Variants in BAIAP3 observed in about 807,000 individuals in gnomAD.
BAIAP3 encodes the protein BAI1-associated protein 3.
In BAIAP3, 180 loss-of-function variants were observed where a neutral mutation model predicts 149.7. The observed-to-expected ratio is 1.20, with a 90% confidence interval of 1.07 to 1.36. The LOEUF (loss-of-function observed/expected upper bound fraction) is 1.36. Ranked by LOEUF, BAIAP3 falls within the 40% of genes most tolerant of loss-of-function variation. BAIAP3 has a pLI of 0.00. For missense variants in BAIAP3, 1,767 were observed against 1,563.4 expected (o/e 1.13, Z -2.20); for synonymous variants, 845 against 670.7 (o/e 1.26, Z -4.02).
intron 15 of BAIAP3, 151 bp downstream of exon 15, chr16:1,343,664 C>G: frequency 2.3e-6 from 3 of 1,303,620 alleles, no homozygotes; most frequent in Non-Finnish European, 3.1e-6. Flanking sequence ...AGAGCCAGCG[C>G]TCTGCAGAAA....
chr16:1,347,087 C>T, intron 28 of BAIAP3, 132 bp downstream of exon 28: 2 of 945,538 alleles, frequency 2.1e-6, no homozygotes, highest in Non-Finnish European at 3.2e-6. Context: ...TCCACAGCGC[C>T]TCCTCCCGTT....
Position 1,342,278 on chromosome 16 carries a change from G to A in BAIAP3, c.952G>A (p.Val318Ile). ...DDFLGCLNIP[V>I]REVPVAGVDR... is the part of the protein sequence containing the mutation. ...CTTCCTGGGGTGCCTCAACATACCT[G>A]TCCGGGTGAGTGGGTGTGGGGTGGG... The change falls in exon 11 of 34, where the codon GTC (valine) becomes ATC (isoleucine). Residue 318 changes from valine to isoleucine, a missense_variant. Val to Ile is a conservative substitution (Grantham distance 29). Coordinates refer to ENST00000426824, the MANE Select transcript of BAIAP3 (RefSeq NM_001199097.2). 11 of 1,612,202 alleles carry A rather than the reference G, an allele frequency of 6.8e-6. No homozygotes were observed. Among genetic ancestry groups the A allele is most frequent in the Non-Finnish European group, 9.3e-6 (11 of 1,179,638 alleles).
rs369312614 is a variant in BAIAP3, at chr16:1,342,548, G to A, written c.979G>A (p.Asp327Asn). 26 of 1,553,048 alleles carry A rather than the reference G, an allele frequency of 1.7e-5. No homozygotes were observed. In the African/African-American group the frequency reaches 2.9e-4, roughly 17 times the overall value. Reference sequence around the variant, plus strand: ...CCAGGAGGTGCCTGTGGCTGGCGTCGACCGCTGGTTCAAGCTGGAGCCACG... The same window carrying A: ...CCAGGAGGTGCCTGTGGCTGGCGTCAACCGCTGGTTCAAGCTGGAGCCACG... ...PVREVPVAGV[D>N]RWFKLEPRSS... Residue 327 changes from aspartate (D) to asparagine (N), a missense_variant, in exon 12 of 34, where the codon GAC (aspartate) becomes AAC (asparagine). Transcript: ENST00000426824.
At position 1,348,359 on chromosome 16, in the gene BAIAP3, C is replaced by A. The variant is rs370350074; in HGVS notation, c.3356-20C>A. 6.2e-7 allele frequency: 1 copy of A among 1,610,562 alleles called. No individual in the cohort carries two copies. Among genetic ancestry groups the A allele is most frequent in the Admixed American group, 1.7e-5 (1 of 59,798 alleles). On this transcript the variant is annotated intron_variant, in intron 33 of 33. Transcript: ENST00000426824. The stretch of plus-strand genomic sequence containing the variant: ...CGGGCCTGACCCCGGCCCCCACACA[C>A]CTGCCCGCGCTGCTTGCAGTGAGAT...
chr16:1,343,568 G>A, intron 15 of BAIAP3, 55 bp downstream of exon 15: 1 of 1,590,782 alleles, frequency 6.3e-7, no homozygotes, highest in Non-Finnish European at 8.6e-7. Context: ...GCTGGGGACT[G>A]GGGTCGCTCA....
Position 1,343,489 on chromosome 16 carries a change from G to GGC in BAIAP3, c.1363_1364dup (p.Pro456LeufsTer49), listed in dbSNP as rs1310241224. 2 of 1,605,340 alleles carry GGC rather than the reference G, an allele frequency of 1.2e-6. No homozygotes were observed. Among genetic ancestry groups the GGC allele is most frequent in the Non-Finnish European group, 1.7e-6 (2 of 1,177,494 alleles). On this transcript the variant is annotated frameshift_variant, in exon 15 of 34. Transcript: ENST00000426824. LOFTEE classifies it high-confidence loss of function. ...AGGACATGCAGGCACACTGGGAAGA[G>GGC]GCTCCTTCACTGCCCCAGGAGCAGG... is the stretch of plus-strand genomic sequence containing the variant.
chr16:1,342,587 C>T lies in BAIAP3; in HGVS notation c.1018C>T (p.Arg340Cys), dbSNP rs1412171949. ...FKLEPRSSASRVQGHCHLVLK... is the reference protein window; with the variant it reads ...FKLEPRSSASCVQGHCHLVLK... ...GCTGGAGCCACGCTCCAGTGCCTCG[C>T]GTGTGCAGGGACACTGCCACCTGGT... Residue 340 changes from arginine (R) to cysteine (C), a missense_variant, in exon 12 of 34, where the codon CGT (arginine) becomes TGT (cysteine). Coordinates refer to ENST00000426824, the MANE Select transcript of BAIAP3 (RefSeq NM_001199097.2). 5.7e-6 allele frequency: 9 copies of T among 1,565,480 alleles called. No individual in the cohort carries two copies. Among genetic ancestry groups the T allele is most frequent in the African/African-American group, 2.7e-5 (2 of 73,718 alleles).
chr16:1,339,277 TCTGCAGCGG>T (rs1271872797), intron 4 of BAIAP3, 33 bp downstream of exon 4: 9 of 1,548,000 alleles, frequency 5.8e-6, no homozygotes, highest in Non-Finnish European at 8.7e-7. Context: ...GGGGCAGTCG[TCTGCAGCGG>T]CTGCTCCCTC....
At position 1,338,994 on chromosome 16, in the gene BAIAP3, G is replaced by A. The variant is rs769487647; in HGVS notation, c.219+5G>A. 1.2e-6 allele frequency: 2 copies of A among 1,612,724 alleles called. No individual in the cohort carries two copies. Among genetic ancestry groups the A allele is most frequent in the Non-Finnish European group, 1.7e-6 (2 of 1,179,806 alleles). ...CAGGGCTTGCCGTGCCTCGAGGTAA[G>A]GGTGCCACCCCCAGGGCCCGATACC... On this transcript the variant is annotated splice_donor_5th_base_variant and intron_variant, in intron 3 of 33. Coordinates refer to ENST00000426824, the MANE Select transcript of BAIAP3 (RefSeq NM_001199097.2).
rs770735574 is a variant in BAIAP3, at chr16:1,347,627, T to C, written c.2904+2T>C. 1.5e-5 allele frequency: 24 copies of C among 1,612,772 alleles called. No individual in the cohort carries two copies. Among genetic ancestry groups the C allele is most frequent in the Non-Finnish European group, 2.0e-5 (24 of 1,179,938 alleles). On this transcript the variant is annotated splice_donor_variant, in intron 30 of 33. Coordinates refer to ENST00000426824, the MANE Select transcript of BAIAP3 (RefSeq NM_001199097.2). LOFTEE classifies it high-confidence loss of function. ...TTCTACCTGGACAAGCTCAAACAGG[T>C]AGGGAGGCGCCAGGGACAGGGTGCT...
chr16:1,336,266 C>G (rs1195118376), intron 1 of BAIAP3: 2 of 985,224 alleles, frequency 2.0e-6, no homozygotes, highest in African/African-American at 3.5e-5. Flanking sequence ...GGGCTTGTGA[C>G]TCCCAGGCCC....
At position 1,344,306 on chromosome 16, in the gene BAIAP3, G is replaced by A. The variant is rs535940216; in HGVS notation, c.1591G>A (p.Ala531Thr). 20 of 1,613,856 alleles carry A rather than the reference G, an allele frequency of 1.2e-5. No individual in the cohort carries two copies. The highest frequency in any genetic ancestry group is 7.7e-5 in the South Asian group (7 of 91,084). The change falls in exon 17 of 34, where the codon GCG (alanine) becomes ACG (threonine). Residue 531 changes from alanine to threonine, a missense_variant. Ala to Thr is a moderately conservative substitution (Grantham distance 58). Transcript: ENST00000426824. Reference sequence around the variant, plus strand: ...GTCGGAGCTGAACATGGACATTGCTGCGGCCCTGAAGGTGTGTTCCAAAGC... The same window carrying A: ...GTCGGAGCTGAACATGGACATTGCTACGGCCCTGAAGGTGTGTTCCAAAGC... ...FESELNMDIA[A>T]ALKRGNREWY...
intron 1 of BAIAP3, among the ~76,000 whole-genome samples, chr16:1,337,373 C>G (rs144795016): frequency 6.6e-6 from 1 of 152,334 alleles, no homozygotes; most frequent in East Asian, 1.9e-4. Flanking sequence ...AAAAAATCAG[C>G]TGGGCTTGGT....
intron 2 of BAIAP3, 37 bp downstream of exon 2, chr16:1,338,717 G>A: frequency 1.9e-6 from 3 of 1,561,652 alleles, no homozygotes; most frequent in Non-Finnish European, 1.7e-6. Flanking sequence ...ACGCCCACAG[G>A]GCCATTTCCC....
At position 1,343,453 on chromosome 16, in the gene BAIAP3, G is replaced by C. The variant is rs1346012429; in HGVS notation, c.1326G>C (p.Leu442=). The C allele has an allele frequency of 6.3e-7, 1 of 1,594,542 alleles. No homozygotes were observed. The highest frequency in any genetic ancestry group is 1.7e-5 in the Admixed American group (1 of 57,192). ...GCACGCTGGACTACAGCTACCTGCT[G>C]GGGCTGCTGGAGGACATGCAGGCAC... The part of the protein sequence containing the change: ...QTCTLDYSYL[L]GLLEDMQAHW... Residue 442 remains leucine, a synonymous_variant, in exon 15 of 34, where the codon CTG becomes CTC. Coordinates refer to ENST00000426824, the MANE Select transcript of BAIAP3 (RefSeq NM_001199097.2).
rs371222488 is a variant in BAIAP3, at chr16:1,336,351, C to CT, written c.-10-2185dup. 244 of 985,412 alleles carry CT rather than the reference C, an allele frequency of 2.5e-4. No homozygotes were observed. The African/African-American group carries it at 3.6e-3, about 15-fold the overall frequency. 61.0% of individuals were successfully genotyped at this position (985,412 alleles called of 1,614,324 possible). ...TACCCAGCCTACCAAGCCCCCCCATCTTTTGGGGGGGAGGCTCACAGGGGA... is the reference window on the plus strand; with the variant it reads ...TACCCAGCCTACCAAGCCCCCCCATCTTTTTGGGGGGGAGGCTCACAGGGGA... On this transcript the variant is annotated intron_variant, in intron 1 of 33. Transcript: ENST00000426824.
chr16:1,344,117 C>A lies in BAIAP3; in HGVS notation c.1482C>A (p.Thr494=), dbSNP rs375132106. 5.0e-6 allele frequency: 8 copies of A among 1,611,790 alleles called. No individual in the cohort carries two copies. The highest frequency in any genetic ancestry group is 6.8e-6 in the Non-Finnish European group (8 of 1,179,822). The change falls in exon 16 of 34, where the codon ACC becomes ACA. Residue 494 remains threonine (T), a synonymous_variant. Transcript: ENST00000426824. ...ACTACTTCCCTGCCACCAACAGCAC[C>A]GCTGTCCACCGCCTGGAGCTGCTGC... ...LRDYFPATNS[T]AVHRLELLLK...
At position 1,348,794 on chromosome 16, in the gene BAIAP3, T is replaced by G; in HGVS notation, c.*312T>G. 8.9e-6 allele frequency: 4 copies of G among 451,100 alleles called. No homozygotes were observed. Among genetic ancestry groups the G allele is most frequent in the Admixed American group, 3.8e-5 (1 of 26,334 alleles). The allele number at this position is 451,100 out of a possible 1,614,324, so 27.9% of individuals were successfully genotyped here. A position where few individuals can be genotyped will look rare whatever the true frequency, so the allele number is the denominator to read the frequency against. Reference sequence around the variant, plus strand: ...GGCCTCCCTGCCCGCTTCCTTGGGCTCCCCGGCCCTGGGTGGGCGGTGGGC... The same window carrying G: ...GGCCTCCCTGCCCGCTTCCTTGGGCGCCCCGGCCCTGGGTGGGCGGTGGGC... On this transcript the variant is annotated 3_prime_UTR_variant, in exon 34 of 34. Transcript: ENST00000426824.
intron 28 of BAIAP3, 135 bp downstream of exon 28, chr16:1,347,090 C>G: frequency 6.4e-6 from 6 of 934,086 alleles, no homozygotes; most frequent in Non-Finnish European, 9.7e-6. Flanking sequence ...ACAGCGCCTC[C>G]TCCCGTTAAT....
Sources: gnomAD v4.1 joint callset for allele counts (sites outside exome capture counted in the v4.1 genomes callset) on GRCh38, gnomAD v4.1.1 for gene constraint, MANE v1.5 for transcripts, NCBI Gene and HGNC (gene_info 2026-07-23, HGNC 2026-07-21) for gene names.